The following SCN11A variants were observed in gnomAD, a reference collection of about 807,000 sequenced individuals.
SCN11A encodes sodium voltage-gated channel alpha subunit 11.
In SCN11A, 122 loss-of-function variants were observed where a neutral mutation model predicts 162.2. That is an observed-to-expected ratio of 0.75 (90% CI 0.65 to 0.87). The LOEUF (loss-of-function observed/expected upper bound fraction) is 0.87. Among genes scored for constraint, SCN11A ranks in the 40% least tolerant of loss-of-function variants. The pLI is 0.00. For missense variants in SCN11A, 2,015 were observed against 2,181.6 expected, an observed-to-expected ratio of 0.92 and a Z score of 1.52; for synonymous variants, 758 against 751.5, an observed-to-expected ratio of 1.01 and a Z score of -0.14.
At chr3:38,951,357 G>A (rs1265054990) in intron 4 of SCN11A, among the ~76,000 whole-genome samples, 3 of 152,254 alleles carry the variant, frequency 2.0e-5, no homozygotes, top group Non-Finnish European at 2.9e-5. Context: ...CGCTGCACTC[G>A]ATTTCTCACC....
chr3:38,936,034 C>T lies in SCN11A; in HGVS notation c.489-9103G>A, dbSNP rs534976141. Among the ~76,000 whole-genome samples, 1,216 of 152,072 alleles carry T rather than the reference C, an allele frequency of 8.0e-3. 20 individuals carry two copies. The highest frequency in any genetic ancestry group is 0.028 in the African/African-American group (1,169 of 41,476). On this transcript the variant is annotated intron_variant, in intron 7 of 29. Transcript: ENST00000302328. Reference sequence around the variant, plus strand: ...AGCTTATCCACCATGATCAAGTGGGCTTCATCCCTGGGATGCAAGGCTGGT... The same window carrying T: ...AGCTTATCCACCATGATCAAGTGGGTTTCATCCCTGGGATGCAAGGCTGGT...
intron 3 of SCN11A, among the ~76,000 whole-genome samples, chr3:38,957,739 C>T (rs1289112307): frequency 6.6e-6 from 1 of 152,246 alleles, no homozygotes; most frequent in Non-Finnish European, 1.5e-5. Context: ...GCCTCACTTT[C>T]CAAAGCTGCA....
At chr3:38,897,323 T>C (rs944706998) in intron 17 of SCN11A, 98 bp from the exon 18 acceptor site, 20 of 1,223,032 alleles carry the variant, frequency 1.6e-5, no homozygotes, top group African/African-American at 3.1e-5. Context: ...CCCAAACTTA[T>C]GACATCCAAA....
chr3:38,956,846 T>G (rs2066688153), intron 3 of SCN11A, among the ~76,000 whole-genome samples: 1 of 152,148 alleles, frequency 6.6e-6, no homozygotes, highest in Non-Finnish European at 1.5e-5. Flanking sequence ...TTTTCTCACC[T>G]TAAACATTTA....
At chr3:39,039,027 G>C (rs58158732) in intron 1 of SCN11A, among the ~76,000 whole-genome samples, 12,560 of 152,178 alleles carry the variant, frequency 0.083, 733 homozygotes, top group African/African-American at 0.16. Context: ...TATACCAGCA[G>C]AACTATTTTT....
At chr3:38,983,728 GA>G (rs2030138565) in intron 2 of SCN11A, among the ~76,000 whole-genome samples, 1 of 152,146 alleles carries the variant, frequency 6.6e-6, no homozygotes, top group Non-Finnish European at 1.5e-5. Flanking sequence ...CTAGTCCTTT[GA>G]CCATCATGAC....
intron 27 of SCN11A, among the ~76,000 whole-genome samples, chr3:38,866,250 G>A (rs1167189405): frequency 6.8e-6 from 1 of 147,844 alleles, no homozygotes; most frequent in Non-Finnish European, 1.5e-5. Flanking sequence ...ATGGAGTCTC[G>A]CTCTGTTGCC....
At chr3:38,958,867 A>G (rs1237152295) in intron 3 of SCN11A, among the ~76,000 whole-genome samples, 1 of 152,230 alleles carries the variant, frequency 6.6e-6, no homozygotes, top group Non-Finnish European at 1.5e-5. Flanking sequence ...TGAGATATAT[A>G]TTATTCTTGG....
intron 7 of SCN11A, among the ~76,000 whole-genome samples, chr3:38,938,018 G>T (rs1298236994): frequency 6.6e-6 from 1 of 152,072 alleles, no homozygotes; most frequent in African/African-American, 2.4e-5. Context: ...AAGAAAATGT[G>T]GCACATATAC....
intron 16 of SCN11A, among the ~76,000 whole-genome samples, chr3:38,901,679 C>T (rs2065702243): frequency 6.6e-6 from 1 of 152,176 alleles, no homozygotes; most frequent in African/African-American, 2.4e-5. Context: ...TGATGTGCTC[C>T]TTGGAACTTA....
intron 2 of SCN11A, among the ~76,000 whole-genome samples, chr3:38,986,277 T>G (rs915406170): frequency 1.4e-5 from 2 of 144,924 alleles, no homozygotes; most frequent in African/African-American, 5.6e-5. Context: ...AGCAGATGCG[T>G]CAGGGAGGCC....
intron 28 of SCN11A, among the ~76,000 whole-genome samples, chr3:38,852,267 A>G (rs1324024639): frequency 6.6e-6 from 1 of 152,162 alleles, no homozygotes; most frequent in Non-Finnish European, 1.5e-5. Flanking sequence ...GGCTTTTATC[A>G]AAGAGCCAGG....
chr3:39,006,272 T>C (rs2030971773), intron 2 of SCN11A, among the ~76,000 whole-genome samples: 1 of 152,222 alleles, frequency 6.6e-6, no homozygotes. Context: ...ACATATTTGA[T>C]CTTTCAGTGC....
intron 17 of SCN11A, among the ~76,000 whole-genome samples, chr3:38,897,481 C>A (rs993676594): frequency 2.0e-5 from 3 of 152,124 alleles, no homozygotes; most frequent in Non-Finnish European, 4.4e-5. Flanking sequence ...CTTTGGGAGG[C>A]CAAGGCGGGT....
Position 38,847,037 on chromosome 3 carries a change from T to G in SCN11A, c.5033A>C (p.Asp1678Ala). The change falls in exon 30 of 30, where the codon GAT (aspartate) becomes GCT (alanine). Residue 1678 changes from aspartate (D) to alanine (A), a missense_variant. Transcript: ENST00000302328. The stretch of plus-strand genomic sequence containing the variant: ...AAGAATATCCATGCAGTGGAGGCGA[T>G]CTTCACTCACCATGGGCAAGTCCAT... Reference protein sequence around the residue: ...LVMDLPMVSEDRLHCMDILFA... With the variant: ...LVMDLPMVSEARLHCMDILFA... The G allele has an allele frequency of 4.3e-6, 7 of 1,614,024 alleles. 1 individual carries two copies. The highest frequency in any genetic ancestry group is 5.9e-6 in the Non-Finnish European group (7 of 1,179,962).
At chr3:38,851,893 A>G (rs1216934943) in intron 28 of SCN11A, among the ~76,000 whole-genome samples, 1 of 152,162 alleles carries the variant, frequency 6.6e-6, no homozygotes, top group Non-Finnish European at 1.5e-5. Flanking sequence ...GAGAATTCAA[A>G]TGTAGTGGGC....
chr3:38,995,539 G>T (rs977867168), intron 2 of SCN11A, among the ~76,000 whole-genome samples: 5 of 152,206 alleles, frequency 3.3e-5, no homozygotes, highest in African/African-American at 1.2e-4. Context: ...CATTTAATCT[G>T]CTGGGGGTCT....
chr3:38,968,194 G>T (rs907518701), intron 2 of SCN11A, among the ~76,000 whole-genome samples: 3 of 152,162 alleles, frequency 2.0e-5, no homozygotes, highest in African/African-American at 7.2e-5. Context: ...AGTGTTCACT[G>T]GTTTTCTCTG....
chr3:38,990,453 T>C (rs1044598897), intron 2 of SCN11A, among the ~76,000 whole-genome samples: 1 of 152,116 alleles, frequency 6.6e-6, no homozygotes, highest in African/African-American at 2.4e-5. Flanking sequence ...GCATGTATGA[T>C]AGGTGTTGAG....
Sources: gnomAD v4.1 joint callset for allele counts (sites outside exome capture counted in the v4.1 genomes callset) on GRCh38, gnomAD v4.1.1 for gene constraint, MANE v1.5 for transcripts, NCBI Gene and HGNC (gene_info 2026-07-23, HGNC 2026-07-21) for gene names.